The following DNAH9 variants were observed in gnomAD, a reference collection of about 807,000 sequenced individuals.
DNAH9 encodes DNAH9 variant protein.
In DNAH9, 345 loss-of-function variants were observed where a neutral mutation model predicts 471.6. That is an observed-to-expected ratio of 0.73 (90% CI 0.67 to 0.80). DNAH9 has a LOEUF of 0.80. DNAH9 is among the 30% of genes least tolerant of loss of function. DNAH9 has a pLI of 0.00. For missense variants in DNAH9, 5,407 were observed against 5,609.2 expected, an observed-to-expected ratio of 0.96 and a Z score of 1.15; for synonymous variants, 2,093 against 2,123.6, an observed-to-expected ratio of 0.99 and a Z score of 0.40.
chr17:11,952,819 T>C (rs1446115711), intron 67 of DNAH9, among the ~76,000 whole-genome samples: 1 of 152,162 alleles, frequency 6.6e-6, no homozygotes, highest in Non-Finnish European at 1.5e-5. Flanking sequence ...ACAGCTGCTG[T>C]AACAAAATAC....
At chr17:11,698,240 TATATA>T (rs1427035091) in intron 22 of DNAH9, among the ~76,000 whole-genome samples, 2 of 59,374 alleles carry the variant, frequency 3.4e-5, no homozygotes, top group Admixed American at 5.6e-4. Flanking sequence ...AGCAATATAT[TATATA>T]ATATATTAAT....
intron 9 of DNAH9, among the ~76,000 whole-genome samples, chr17:11,637,690 G>T (rs1384825357): frequency 6.6e-6 from 1 of 152,148 alleles, no homozygotes; most frequent in East Asian, 1.9e-4. Flanking sequence ...AGTCGTTATT[G>T]GACTGAATGG....
chr17:11,848,109 C>A (rs1020434231), intron 49 of DNAH9, among the ~76,000 whole-genome samples: 8 of 149,110 alleles, frequency 5.4e-5, no homozygotes, highest in African/African-American at 2.0e-4. Context: ...TAGGTCTCTT[C>A]AATCTACACT....
chr17:11,833,869 C>G (rs1399545339), intron 48 of DNAH9, among the ~76,000 whole-genome samples: 1 of 152,108 alleles, frequency 6.6e-6, no homozygotes, highest in Non-Finnish European at 1.5e-5. Flanking sequence ...CTTTTTGTAT[C>G]TTGTTAAATC....
chr17:11,839,644 T>C (rs1470339468), intron 49 of DNAH9, among the ~76,000 whole-genome samples: 2 of 152,228 alleles, frequency 1.3e-5, no homozygotes, highest in African/African-American at 4.8e-5. Flanking sequence ...GGAGTGTGTC[T>C]ATTTCAGCAG....
At chr17:11,642,270 G>A (rs1377707497) in intron 10 of DNAH9, among the ~76,000 whole-genome samples, 1 of 152,214 alleles carries the variant, frequency 6.6e-6, no homozygotes, top group African/African-American at 2.4e-5. Flanking sequence ...CGGGCATGGT[G>A]GCTCACACCT....
chr17:11,727,495 T>C lies in DNAH9; in HGVS notation c.5710-323T>C, dbSNP rs8078039. On this transcript the variant is annotated intron_variant, in intron 27 of 68. Transcript: ENST00000262442. ...CAAAGGCTGGGTGGAAGGCTTTTTG[T>C]CTGTATAGCATAAGAAAAATCATCT... Among the ~76,000 whole-genome samples, 473 of 152,316 alleles carry C rather than the reference T, an allele frequency of 3.1e-3. 2 individuals are homozygous for C. Among genetic ancestry groups the C allele is most frequent in the African/African-American group, 0.011 (440 of 41,568 alleles).
At chr17:11,611,532 C>A in intron 3 of DNAH9, 118 bp from the exon 4 acceptor site, 1 of 1,039,082 alleles carries the variant, frequency 9.6e-7, no homozygotes, top group Non-Finnish European at 1.4e-6. Flanking sequence ...TGGAGCACAG[C>A]CTCTGTGGAA....
chr17:11,934,144 C>G, intron 65 of DNAH9, 73 bp downstream of exon 65: 1 of 1,498,216 alleles, frequency 6.7e-7, no homozygotes, highest in South Asian at 1.3e-5. Context: ...CCACGCCGAC[C>G]TGCACCACCA....
chr17:11,707,054 G>T (rs575040278), intron 26 of DNAH9, among the ~76,000 whole-genome samples: 1 of 152,334 alleles, frequency 6.6e-6, no homozygotes, highest in South Asian at 2.1e-4. Context: ...CACAGGTAAA[G>T]GACAGTGAGG....
chr17:11,621,703 C>A (rs1381307268), intron 6 of DNAH9, among the ~76,000 whole-genome samples: 1 of 152,130 alleles, frequency 6.6e-6, no homozygotes, highest in Non-Finnish European at 1.5e-5. Context: ...GCAGCCACTG[C>A]AGGAGAAGGA....
chr17:11,946,290 A>G (rs1226644090), intron 67 of DNAH9, among the ~76,000 whole-genome samples: 1 of 151,974 alleles, frequency 6.6e-6, no homozygotes, highest in East Asian at 1.9e-4. Context: ...CTTTAGAAAC[A>G]GATTTTGTCT....
At chr17:11,883,984 A>G (rs1169533491) in intron 56 of DNAH9, among the ~76,000 whole-genome samples, 2 of 152,196 alleles carry the variant, frequency 1.3e-5, no homozygotes, top group Non-Finnish European at 2.9e-5. Context: ...TTGATGTCTT[A>G]ACTCCATCCA....
At chr17:11,664,994 T>C (rs767827884) in intron 15 of DNAH9, 26 bp downstream of exon 15, 9 of 1,599,900 alleles carry the variant, frequency 5.6e-6, no homozygotes, top group Non-Finnish European at 7.7e-6. Context: ...TGGATGTGGG[T>C]TATTATTGGA....
intron 60 of DNAH9, among the ~76,000 whole-genome samples, chr17:11,904,808 T>TA (rs1175029115): frequency 2.6e-5 from 4 of 152,012 alleles, no homozygotes; most frequent in African/African-American, 9.7e-5. Context: ...AAGTCTCTGT[T>TA]AAGACCAGGA....
chr17:11,874,885 A>T, intron 52 of DNAH9, 64 bp from the exon 53 acceptor site: 1 of 1,217,956 alleles, frequency 8.2e-7, no homozygotes, highest in Middle Eastern at 2.6e-4. Context: ...GAGTAACTGC[A>T]TTCATCCCAG....
At chr17:11,748,652 C>G (rs1307261902) in intron 32 of DNAH9, among the ~76,000 whole-genome samples, 1 of 152,122 alleles carries the variant, frequency 6.6e-6, no homozygotes, top group East Asian at 1.9e-4. Flanking sequence ...ATTCAGAGGC[C>G]CCCAACCCTG....
At chr17:11,836,094 C>T (rs1026030359) in intron 49 of DNAH9, among the ~76,000 whole-genome samples, 2 of 152,204 alleles carry the variant, frequency 1.3e-5, no homozygotes, top group African/African-American at 4.8e-5. Flanking sequence ...GGGTAGCTGC[C>T]ACATCCTCCC....
chr17:11,929,833 T>A (rs773226434), intron 62 of DNAH9, 33 bp from the exon 63 acceptor site: 1 of 1,578,470 alleles, frequency 6.3e-7, no homozygotes, highest in East Asian at 2.3e-5. Context: ...AGCAGATGCC[T>A]GTATTGAGGG....
Sources: gnomAD v4.1 joint callset for allele counts (sites outside exome capture counted in the v4.1 genomes callset) on GRCh38, gnomAD v4.1.1 for gene constraint, MANE v1.5 for transcripts, NCBI Gene and HGNC (gene_info 2026-07-23, HGNC 2026-07-21) for gene names.